Variants in LUZP2 observed in about 807,000 individuals in gnomAD.
LUZP2 encodes leucine zipper protein 2.
A neutral mutation model predicts 51.6 loss-of-function variants in LUZP2; 52 were observed. That is an observed-to-expected ratio of 1.01 (90% CI 0.81 to 1.27). LUZP2 has a LOEUF of 1.27. LUZP2 is among the 50% of genes most tolerant of loss of function. The pLI is 0.00. For missense variants in LUZP2, 436 were observed against 395.4 expected, an observed-to-expected ratio of 1.10 and a Z score of -0.87; for synonymous variants, 154 against 137.3, an observed-to-expected ratio of 1.12 and a Z score of -0.85.
At chr11:24,683,224 AT>A (rs1487662395) in intron 1 of LUZP2, among the ~76,000 whole-genome samples, 1 of 152,190 alleles carries the variant, frequency 6.6e-6, no homozygotes, top group African/African-American at 2.4e-5. Flanking sequence ...ATTTCACTAC[AT>A]TTTTTAGTCA....
intron 10 of LUZP2, among the ~76,000 whole-genome samples, chr11:25,065,359 G>C (rs1324637987): frequency 6.6e-6 from 1 of 151,932 alleles, no homozygotes; most frequent in Non-Finnish European, 1.5e-5. Flanking sequence ...CATTATCATT[G>C]CTGCTACAAT....
At position 24,732,174 on chromosome 11, in the gene LUZP2, A is replaced by C. The variant is rs201716454; in HGVS notation, c.237A>C (p.Leu79Phe). The C allele has an allele frequency of 3.1e-6, 5 of 1,608,572 alleles. No individual in the cohort carries two copies. The highest frequency in any genetic ancestry group is 2.2e-5 in the East Asian group (1 of 44,754). The stretch of plus-strand genomic sequence containing the variant: ...CTGATGTTCAGAAACTTCTGGAATT[A>C]GGACAGAAACAAAGGTAAGACTTTT... ...AKTDVQKLLE[L>F]GQKQREEMKS... The change falls in exon 3 of 12, where the codon TTA becomes TTC. Residue 79 changes from leucine to phenylalanine, a missense_variant. Leu to Phe is a conservative substitution (Grantham distance 22). Transcript: ENST00000336930.
At chr11:24,922,614 A>G (rs1481404563) in intron 7 of LUZP2, among the ~76,000 whole-genome samples, 1 of 152,152 alleles carries the variant, frequency 6.6e-6, no homozygotes, top group Admixed American at 6.5e-5. Context: ...TAGGCAACTT[A>G]CAAATGAGGT....
chr11:24,808,405 C>T lies in LUZP2; in HGVS notation c.396+45097C>T, dbSNP rs533730482. ...TTGGCAAATTCCAATACTTACACAA[C>T]CTTTCCTGTAGGTGTTATCTGATAC... is the stretch of plus-strand genomic sequence containing the variant. On this transcript the variant is annotated intron_variant, in intron 5 of 11. Transcript: ENST00000336930. Among the ~76,000 whole-genome samples the T allele has an allele frequency of 1.2e-4, 19 of 152,260 alleles. 1 individual carries two copies. The South Asian group carries it at 3.9e-3, about 32-fold the overall frequency.
chr11:24,733,785 G>T (rs1476814455), intron 3 of LUZP2, among the ~76,000 whole-genome samples: 1 of 151,594 alleles, frequency 6.6e-6, no homozygotes, highest in Non-Finnish European at 1.5e-5. Flanking sequence ...ACCAAGAGAT[G>T]CTGAAAATGA....
chr11:24,549,181 C>T (rs1416375155), intron 1 of LUZP2, among the ~76,000 whole-genome samples: 2 of 151,796 alleles, frequency 1.3e-5, no homozygotes, highest in South Asian at 2.1e-4. Context: ...ATAACCTTTT[C>T]CTGTTTTTAA....
intron 1 of LUZP2, among the ~76,000 whole-genome samples, chr11:24,524,802 T>G (rs1304700322): frequency 2.6e-5 from 4 of 151,698 alleles, no homozygotes; most frequent in African/African-American, 9.7e-5. Flanking sequence ...CAAATCAATT[T>G]ACAGGACCAA....
intron 1 of LUZP2, among the ~76,000 whole-genome samples, chr11:24,688,261 G>A (rs1031295875): frequency 2.0e-5 from 3 of 152,112 alleles, no homozygotes; most frequent in African/African-American, 4.8e-5. Context: ...CAAGAACCCA[G>A]TTACCATTGT....
intron 5 of LUZP2, among the ~76,000 whole-genome samples, chr11:24,812,868 C>T (rs1475748575): frequency 6.6e-6 from 1 of 152,136 alleles, no homozygotes. Context: ...ATATTCACAT[C>T]TTAAAGATGC....
chr11:24,933,724 C>A (rs1854519953), intron 7 of LUZP2, among the ~76,000 whole-genome samples: 1 of 152,096 alleles, frequency 6.6e-6, no homozygotes, highest in African/African-American at 2.4e-5. Context: ...TCATGCGCAT[C>A]TGTGTGAAGG....
intron 5 of LUZP2, among the ~76,000 whole-genome samples, chr11:24,879,089 C>T (rs1419240293): frequency 2.6e-5 from 4 of 152,020 alleles, no homozygotes; most frequent in South Asian, 2.1e-4. Flanking sequence ...GGACTACAGG[C>T]GCCCACCACC....
intron 5 of LUZP2, among the ~76,000 whole-genome samples, chr11:24,873,457 C>T (rs1852147275): frequency 6.6e-6 from 1 of 152,128 alleles, no homozygotes; most frequent in African/African-American, 2.4e-5. Context: ...TATGAAAAGC[C>T]TTGCTCAGTG....
chr11:25,037,881 G>C (rs1857913697), intron 9 of LUZP2, among the ~76,000 whole-genome samples: 1 of 151,818 alleles, frequency 6.6e-6, no homozygotes, highest in South Asian at 2.1e-4. Flanking sequence ...CTCTCTAGCT[G>C]CCTTTAAGAT....
At chr11:24,989,171 T>A (rs1358829741) in intron 9 of LUZP2, among the ~76,000 whole-genome samples, 1 of 151,808 alleles carries the variant, frequency 6.6e-6, no homozygotes, top group African/African-American at 2.4e-5. Context: ...ATAAAAGTCA[T>A]CCATCAGATG....
At chr11:24,550,249 T>G (rs1851686559) in intron 1 of LUZP2, among the ~76,000 whole-genome samples, 1 of 152,246 alleles carries the variant, frequency 6.6e-6, no homozygotes, top group East Asian at 1.9e-4. Flanking sequence ...ATTTATGTAT[T>G]AAAAACATAA....
chr11:25,076,865 T>C (rs548197525), intron 10 of LUZP2, among the ~76,000 whole-genome samples: 437 of 152,010 alleles, frequency 2.9e-3, no homozygotes, highest in Non-Finnish European at 4.9e-3. Flanking sequence ...TCCAGAAATA[T>C]TATCTTTTAA....
At chr11:24,665,207 T>G (rs1856173275) in intron 1 of LUZP2, among the ~76,000 whole-genome samples, 1 of 152,198 alleles carries the variant, frequency 6.6e-6, no homozygotes, top group Non-Finnish European at 1.5e-5. Flanking sequence ...ATGACTGCCT[T>G]ATTGGATTTT....
intron 5 of LUZP2, among the ~76,000 whole-genome samples, chr11:24,897,619 G>A (rs113664765): frequency 2.0e-5 from 3 of 152,240 alleles, no homozygotes; most frequent in South Asian, 2.1e-4. Context: ...GACCATGTCC[G>A]AACATCAGAA....
intron 1 of LUZP2, among the ~76,000 whole-genome samples, chr11:24,705,604 A>G (rs559036367): frequency 1.4e-4 from 21 of 152,150 alleles, no homozygotes; most frequent in Non-Finnish European, 2.8e-4. Flanking sequence ...TGACATGTGA[A>G]TTTCCCAGGC....
Sources: gnomAD v4.1 joint callset for allele counts (sites outside exome capture counted in the v4.1 genomes callset) on GRCh38, gnomAD v4.1.1 for gene constraint, MANE v1.5 for transcripts, NCBI Gene and HGNC (gene_info 2026-07-23, HGNC 2026-07-21) for gene names.